Variants in ELMO1 observed in about 807,000 individuals in gnomAD.
ELMO1 encodes the protein engulfment and cell motility 1, also known as engulfment and cell motility protein 1.
In ELMO1, 26 loss-of-function variants were observed where a neutral mutation model predicts 98.9. The observed-to-expected ratio is 0.26, with a 90% CI of 0.19 to 0.36. The LOEUF is 0.36. ELMO1 is among the 10% of genes least tolerant of loss of function. The pLI is 1.00. For missense variants in ELMO1, 627 were observed against 935.2 expected, an observed-to-expected ratio of 0.67 and a Z score of 4.30; for synonymous variants, 346 against 346.0, an observed-to-expected ratio of 1.00 and a Z score of 0.00.
At chr7:37,252,415 G>A (rs1403537393) in intron 6 of ELMO1, among the ~76,000 whole-genome samples, 1 of 152,104 alleles carries the variant, frequency 6.6e-6, no homozygotes, top group Non-Finnish European at 1.5e-5. Context: ...CAAGACCTCA[G>A]AAATAATGCC....
chr7:37,208,196 T>C (rs1792746357), intron 13 of ELMO1, among the ~76,000 whole-genome samples: 1 of 152,254 alleles, frequency 6.6e-6, no homozygotes, highest in Admixed American at 6.5e-5. Flanking sequence ...CCAGCTGCTG[T>C]GCTAGTCGCT....
intron 16 of ELMO1, among the ~76,000 whole-genome samples, chr7:36,994,261 T>C (rs989725885): frequency 2.0e-5 from 3 of 152,230 alleles, no homozygotes; most frequent in African/African-American, 7.2e-5. Flanking sequence ...AGAGCTTCTA[T>C]TCATATGATG....
intron 14 of ELMO1, among the ~76,000 whole-genome samples, chr7:37,100,769 G>A (rs1394828848): frequency 6.6e-6 from 1 of 152,220 alleles, no homozygotes; most frequent in Non-Finnish European, 1.5e-5. Context: ...GCCACACGAA[G>A]GACAGTGTGT....
At position 37,335,414 on chromosome 7, in the gene ELMO1, T is replaced by TAC. The variant is rs546794364; in HGVS notation, c.78+7197_78+7198dup. Among the ~76,000 whole-genome samples the TAC allele has an allele frequency of 7.2e-4, 110 of 152,118 alleles. 1 individual carries two copies. The highest frequency in any genetic ancestry group is 2.6e-3 in the African/African-American group (108 of 41,466). On this transcript the variant is annotated intron_variant, in intron 2 of 21. Coordinates refer to ENST00000310758, the MANE Select transcript of ELMO1 (RefSeq NM_014800.11). ...GAGCAGCTTCTATAAAACAGAGGGG[T>TAC]ACCTGGGAATCACATACAGTGCCTG...
chr7:37,155,409 G>A (rs965075031), intron 13 of ELMO1, among the ~76,000 whole-genome samples: 6 of 149,456 alleles, frequency 4.0e-5, no homozygotes, highest in African/African-American at 1.5e-4. Flanking sequence ...GCTGTATTCA[G>A]GAGACCCATC....
chr7:37,282,633 CAG>C (rs1019688750), intron 4 of ELMO1, among the ~76,000 whole-genome samples: 7 of 151,956 alleles, frequency 4.6e-5, no homozygotes, highest in Non-Finnish European at 8.8e-5. Flanking sequence ...AAAAAAGAAA[CAG>C]GGGAAAAAAG....
chr7:37,150,586 C>T (rs1423952337), intron 13 of ELMO1, among the ~76,000 whole-genome samples: 2 of 152,154 alleles, frequency 1.3e-5, no homozygotes, highest in South Asian at 2.1e-4. Flanking sequence ...TATACAATCT[C>T]TATAGTAGTA....
intron 1 of ELMO1, among the ~76,000 whole-genome samples, chr7:37,404,834 T>C (rs1455879022): frequency 6.6e-6 from 1 of 152,264 alleles, no homozygotes; most frequent in Non-Finnish European, 1.5e-5. Flanking sequence ...GGGTAATCGT[T>C]ACTTGATGAA....
At chr7:37,046,590 G>T (rs946858018) in intron 15 of ELMO1, among the ~76,000 whole-genome samples, 1 of 152,150 alleles carries the variant, frequency 6.6e-6, no homozygotes, top group African/African-American at 2.4e-5. Flanking sequence ...ACGGGAATGA[G>T]AATGATGAAA....
intron 13 of ELMO1, among the ~76,000 whole-genome samples, chr7:37,166,553 G>T (rs537572611): frequency 1.3e-5 from 2 of 152,088 alleles, no homozygotes; most frequent in Non-Finnish European, 2.9e-5. Flanking sequence ...GTTCTGGTTG[G>T]TTTCAAAGAA....
At chr7:37,082,104 A>T (rs1196139532) in intron 15 of ELMO1, among the ~76,000 whole-genome samples, 2 of 152,182 alleles carry the variant, frequency 1.3e-5, no homozygotes, top group Non-Finnish European at 2.9e-5. Flanking sequence ...ATTTAGGTTC[A>T]TTTCTTCCTC....
At chr7:37,118,985 C>T (rs1017468435) in intron 14 of ELMO1, among the ~76,000 whole-genome samples, 13 of 152,318 alleles carry the variant, frequency 8.5e-5, no homozygotes, top group African/African-American at 3.1e-4. Flanking sequence ...ATTTAAAATT[C>T]AGCTCTGGTA....
At chr7:37,347,042 A>G (rs1042394407) in intron 1 of ELMO1, among the ~76,000 whole-genome samples, 1 of 152,308 alleles carries the variant, frequency 6.6e-6, no homozygotes, top group Non-Finnish European at 1.5e-5. Flanking sequence ...ATTAGACCTC[A>G]TCAGTTTTCC....
intron 1 of ELMO1, among the ~76,000 whole-genome samples, chr7:37,348,660 G>A (rs1246482937): frequency 6.6e-6 from 1 of 151,972 alleles, no homozygotes; most frequent in Non-Finnish European, 1.5e-5. Flanking sequence ...GTCTCCGTAG[G>A]TTGGGTGGCA....
At chr7:36,867,946 T>C (rs1803165078) in intron 20 of ELMO1, among the ~76,000 whole-genome samples, 1 of 152,170 alleles carries the variant, frequency 6.6e-6, no homozygotes, top group South Asian at 2.1e-4. Flanking sequence ...TTGGTGAATG[T>C]TTCCTTTGAG....
intron 13 of ELMO1, among the ~76,000 whole-genome samples, chr7:37,160,949 T>C (rs559736556): frequency 3.3e-5 from 5 of 152,216 alleles, no homozygotes; most frequent in Admixed American, 1.3e-4. Flanking sequence ...TCAATATCAG[T>C]TGATACTCTT....
chr7:36,910,939 T>C (rs574017527), intron 16 of ELMO1, among the ~76,000 whole-genome samples: 5 of 152,320 alleles, frequency 3.3e-5, no homozygotes, highest in African/African-American at 1.2e-4. Context: ...GACATCCTTA[T>C]AACTTCTGAC....
chr7:37,339,115 C>T (rs1800583285), intron 2 of ELMO1, among the ~76,000 whole-genome samples: 1 of 152,192 alleles, frequency 6.6e-6, no homozygotes, highest in Admixed American at 6.5e-5. Flanking sequence ...GGAGAAACAA[C>T]ACTCAAAGAC....
At chr7:37,015,466 T>C (rs1793868605) in intron 15 of ELMO1, among the ~76,000 whole-genome samples, 1 of 152,024 alleles carries the variant, frequency 6.6e-6, no homozygotes, top group Admixed American at 6.5e-5. Flanking sequence ...CTGGGCATGG[T>C]GGCATGCCGC....
Sources: allele counts gnomAD v4.1 joint callset (sites outside exome capture counted in the v4.1 genomes callset), GRCh38; gene constraint gnomAD v4.1.1; transcripts MANE v1.5; gene names NCBI Gene and HGNC (gene_info 2026-07-23, HGNC 2026-07-21).